The following SWI5 variants were observed in gnomAD, a reference collection of about 807,000 sequenced individuals.
SWI5 encodes the protein DNA repair protein SWI5 homolog.
Under a neutral mutation model 17.0 loss-of-function variants are expected in SWI5, and 12 were observed. That is an observed-to-expected ratio of 0.71 (90% confidence interval 0.45 to 1.14). SWI5 has a LOEUF of 1.14. Among genes scored for constraint, SWI5 ranks in the 50% most tolerant of loss-of-function variants. The pLI, the probability that SWI5 is intolerant of heterozygous loss-of-function variation, is 0.00. For missense variants in SWI5, 158 were observed against 162.2 expected, an observed-to-expected ratio of 0.97 and a Z score of 0.14; for synonymous variants, 61 against 64.0, an observed-to-expected ratio of 0.95 and a Z score of 0.22.
At chr9:128,281,028 C>CTTTTTTTTTTTTTTTTTTTTT (rs11306272) in intron 2 of SWI5, among the ~76,000 whole-genome samples, 1 of 43,758 alleles carries the variant, frequency 2.3e-5, no homozygotes, top group Non-Finnish European at 4.3e-5. Flanking sequence ...TTCAACCATG[C>CTTTTTTTTTTTTTTTTTTTTT]TTTTTTTTTT....
At chr9:128,275,893 C>A, upstream of SWI5, 1 of 1,552,318 alleles carries the variant, frequency 6.4e-7, no homozygotes, top group Non-Finnish European at 8.7e-7. Context: ...TGCACTTTAC[C>A]TTTTTCTTCG....
At chr9:128,288,443 G>C (rs1476013629) in intron 4 of SWI5, among the ~76,000 whole-genome samples, 4 of 152,226 alleles carry the variant, frequency 2.6e-5, no homozygotes, top group Admixed American at 1.3e-4. Context: ...CAGAGCTCCA[G>C]CGTGGCCAGG....
Position 128,285,434 on chromosome 9 carries a change from C to T in SWI5, c.234-505C>T, listed in dbSNP as rs1001544714. Among the ~76,000 whole-genome samples the T allele has an allele frequency of 9.9e-5, 15 of 152,170 alleles. No homozygotes were observed. Among genetic ancestry groups the T allele is most frequent in the African/African-American group, 3.4e-4 (14 of 41,444 alleles). On this transcript the variant is annotated intron_variant, in intron 3 of 4. Coordinates refer to ENST00000418976, the Ensembl canonical transcript of SWI5. The surrounding 1 kb of genome is among the most constrained non-coding windows in gnomAD (Gnocchi z 4.8). ...AAGCTATCTGGGATGGAAGCTGTTG[C>T]TCTTCCAGTCTCCGGAGCCATGTTC...
chr9:128,282,312 G>A (rs111502931), intron 2 of SWI5, among the ~76,000 whole-genome samples: 152 of 152,160 alleles, frequency 1.0e-3, no homozygotes, highest in Middle Eastern at 3.4e-3. Flanking sequence ...GCTTGAATCC[G>A]GGAGGCGGAG....
At position 128,285,553 on chromosome 9, in the gene SWI5, A is replaced by C. The variant is rs1831624119; in HGVS notation, c.234-386A>C. Among the ~76,000 whole-genome samples, 1 of 149,476 alleles carries C rather than the reference A, an allele frequency of 6.7e-6. No homozygotes were observed. Among genetic ancestry groups the C allele is most frequent in the African/African-American group, 2.5e-5 (1 of 40,470 alleles). ...AAGCTGGCTCTTGAACGCCTCCTGGAGTTCCCCACACCTCTTGTTCCAGCC... is the reference window on the plus strand; with the variant it reads ...AAGCTGGCTCTTGAACGCCTCCTGGCGTTCCCCACACCTCTTGTTCCAGCC... On this transcript the variant is annotated intron_variant, in intron 3 of 4. Coordinates refer to ENST00000418976, the Ensembl canonical transcript of SWI5. This position sits in a 1 kb window ranked among gnomAD's most constrained non-coding sequence, Gnocchi z 4.8.
chr9:128,275,404 C>T (rs1002215928), upstream of SWI5: 7 of 1,287,626 alleles, frequency 5.4e-6, no homozygotes, highest in African/African-American at 4.6e-5. Flanking sequence ...GTCGCCGCTC[C>T]GCGATGGGGG....
At chr9:128,286,497 G>A (rs1035415944) in intron 4 of SWI5, 1 of 161,880 alleles carries the variant, frequency 6.2e-6, no homozygotes, top group African/African-American at 2.4e-5. Flanking sequence ...ATGCTGGCTA[G>A]GACAGCCTAC....
chr9:128,286,167 GC>G, intron 4 of SWI5, 134 bp downstream of exon 4: 2 of 636,144 alleles, frequency 3.1e-6, no homozygotes, highest in Admixed American at 2.5e-5. Flanking sequence ...CTCCTAGGCT[GC>G]CCCAGCCCCT....
chr9:128,287,428 G>C (rs1378203667), intron 4 of SWI5, among the ~76,000 whole-genome samples: 1 of 150,348 alleles, frequency 6.7e-6, no homozygotes, highest in Non-Finnish European at 1.5e-5. Flanking sequence ...ACTCCAGCCT[G>C]GGCGACAGAG....
intron 4 of SWI5, among the ~76,000 whole-genome samples, chr9:128,287,557 C>CTT (rs754816266): frequency 0.026 from 3,231 of 123,002 alleles, 89 homozygotes; most frequent in Non-Finnish European, 0.032. Flanking sequence ...TGGCCTATCC[C>CTT]TTTTTTTTTT....
chr9:128,280,512 A>T (rs76699005), intron 2 of SWI5, among the ~76,000 whole-genome samples: 5,647 of 94,998 alleles, frequency 0.059, 211 homozygotes, highest in African/African-American at 0.21. Flanking sequence ...GTTCTTTTTA[A>T]AAAAAAAAAA....
At chr9:128,276,310 G>T (rs759953432) in exon 1 of SWI5, 9 of 1,613,016 alleles carry the variant, frequency 5.6e-6, no homozygotes, top group Non-Finnish European at 7.6e-6. Flanking sequence ...CTGGCCCGGT[G>T]CACCTGAGAG....
chr9:128,279,896 G>C (rs1029424913), intron 2 of SWI5, among the ~76,000 whole-genome samples: 2 of 152,144 alleles, frequency 1.3e-5, no homozygotes, highest in Admixed American at 6.5e-5. Context: ...CCTTATGCAG[G>C]TGTGACAGAG....
rs1290057886 is a variant in SWI5 at position 128,279,441 on chromosome 9, G to A, written c.111+2686G>A. Among the ~76,000 whole-genome samples the A allele has an allele frequency of 7.2e-5, 11 of 152,268 alleles. No individual in the cohort carries two copies. The East Asian group carries it at 1.4e-3, about 19-fold the overall frequency. Reference sequence around the variant, plus strand: ...GGGGGCAGGGTAAGGAAGGTGAGTCGTCCAAGTGATTGATAAGATCAAGCA... The same window carrying A: ...GGGGGCAGGGTAAGGAAGGTGAGTCATCCAAGTGATTGATAAGATCAAGCA... On this transcript the variant is annotated intron_variant, in intron 2 of 4. Coordinates refer to ENST00000418976, the Ensembl canonical transcript of SWI5.
At chr9:128,278,728 A>G in intron 2 of SWI5, 1 of 458,014 alleles carries the variant, frequency 2.2e-6, no homozygotes, top group Admixed American at 2.6e-5. Flanking sequence ...AGGACGTGGC[A>G]GAGCTGGGGG....
chr9:128,276,329 C>T, exon 1 of SWI5: 1 of 1,613,206 alleles, frequency 6.2e-7, no homozygotes, highest in Non-Finnish European at 8.5e-7. Context: ...AGGTCGCTCT[C>T]CGACTCCCGC....
chr9:128,277,165 T>C (rs1452875756), intron 2 of SWI5, among the ~76,000 whole-genome samples: 2 of 152,126 alleles, frequency 1.3e-5, no homozygotes, highest in Non-Finnish European at 2.9e-5. Flanking sequence ...TAATAGTCTC[T>C]CCTCTTCGCT....
chr9:128,288,531 A>T, intron 4 of SWI5, 121 bp from the exon 5 acceptor site: 1 of 972,640 alleles, frequency 1.0e-6, no homozygotes, highest in Non-Finnish European at 1.6e-6. Context: ...AAGTGTGGGG[A>T]CTGGCTTGAA....
rs921737584 is a variant in SWI5 at position 128,285,562 on chromosome 9, C to T, written c.234-377C>T. 3.3e-5 allele frequency among the ~76,000 whole-genome samples: 5 copies of T among 151,884 alleles called. No individual in the cohort carries two copies. The South Asian group carries it at 6.3e-4, about 19-fold the overall frequency. ...CTTGAACGCCTCCTGGAGTTCCCCA[C>T]ACCTCTTGTTCCAGCCACATGGCAG... On this transcript the variant is annotated intron_variant, in intron 3 of 4. Transcript: ENST00000418976. This position sits in a 1 kb window ranked among gnomAD's most constrained non-coding sequence, Gnocchi z 4.8.
Sources: allele counts gnomAD v4.1 joint callset (sites outside exome capture counted in the v4.1 genomes callset), GRCh38; gene constraint gnomAD v4.1.1; non-coding constraint Gnocchi (gnomAD v3.1); transcripts MANE v1.5; gene names NCBI Gene and HGNC (gene_info 2026-07-23, HGNC 2026-07-21).